UCMA: variants seen among roughly 807,000 people sequenced by gnomAD.
The protein encoded by UCMA is upper zone of growth plate and cartilage matrix associated.
A neutral mutation model predicts 21.8 loss-of-function variants in UCMA; 21 were observed. The ratio of observed to expected loss-of-function variants is 0.97; its 90% CI spans 0.68 to 1.39. The LOEUF is 1.39. Among genes scored for constraint, UCMA ranks in the 40% most tolerant of loss-of-function variants. The pLI is 0.00. For synonymous variants in UCMA, 76 were observed against 67.9 expected (o/e 1.12, Z -0.58); for missense variants, 193 against 178.9 (o/e 1.08, Z -0.45).
At chr10:13,228,480 G>T (rs1834853124) in intron 4 of UCMA, among the ~76,000 whole-genome samples, 1 of 152,216 alleles carries the variant, frequency 6.6e-6, no homozygotes, top group African/African-American at 2.4e-5. Context: ...ATGAGTTGGA[G>T]CCTGAAGATA....
At chr10:13,224,140 G>A (rs952446718) in intron 4 of UCMA, among the ~76,000 whole-genome samples, 45 of 152,194 alleles carry the variant, frequency 3.0e-4, no homozygotes, top group African/African-American at 1.0e-3. Flanking sequence ...CCTGAGCAGC[G>A]TTAGCAAGAC....
At chr10:13,224,427 G>GAAA (rs1834798796) in intron 4 of UCMA, among the ~76,000 whole-genome samples, 4 of 150,328 alleles carry the variant, frequency 2.7e-5, no homozygotes, top group South Asian at 2.1e-4. Context: ...GAAAGGAAAA[G>GAAA]GAAGAAAGAA....
At chr10:13,229,555 T>G in intron 4 of UCMA, 56 bp downstream of exon 4, 2 of 1,460,586 alleles carry the variant, frequency 1.4e-6, no homozygotes, top group Non-Finnish European at 1.9e-6. Flanking sequence ...AAGCAAACCA[T>G]GTGATTTCTC....
intron 4 of UCMA, among the ~76,000 whole-genome samples, chr10:13,222,685 T>C (rs944988167): frequency 1.2e-4 from 18 of 152,044 alleles, no homozygotes; most frequent in Non-Finnish European, 1.5e-4. Context: ...TTTTTTTTCT[T>C]TCTTTCTTGT....
In UCMA at chr10:13,221,860, G is replaced by T. The variant is rs1834760638; in HGVS notation, c.*243C>A. On this transcript the variant is annotated 3_prime_UTR_variant, in exon 5 of 5. Transcript: ENST00000378681. The stretch of plus-strand genomic sequence containing the variant: ...AACGAAGCCAGGGGAAGCCACTGTA[G>T]GTTTGGTACTAGGAGGCCCTGCAGG... 1.9e-6 allele frequency: 1 copy of T among 518,078 alleles called. No individual in the cohort carries two copies. The allele number at this position is 518,078 out of a possible 1,614,324, so 32.1% of individuals were successfully genotyped here.
At chr10:13,225,847 C>A (rs1834818215) in intron 4 of UCMA, among the ~76,000 whole-genome samples, 1 of 151,934 alleles carries the variant, frequency 6.6e-6, no homozygotes, top group Non-Finnish European at 1.5e-5. Context: ...ACATTGTGAG[C>A]CACAGGCAAC....
Position 13,221,956 on chromosome 10 carries a change from G to A in UCMA, c.*147C>T. On this transcript the variant is annotated 3_prime_UTR_variant, in exon 5 of 5. Coordinates refer to ENST00000378681, the MANE Select transcript of UCMA (RefSeq NM_145314.3). ...GACACTTTCACACACTGGAAGGAAA[G>A]GCATGCGTCTTTTCAAGAGCTGCTG... 1 of 726,072 alleles carries A rather than the reference G, an allele frequency of 1.4e-6. No individual in the cohort carries two copies. Among genetic ancestry groups the A allele is most frequent in the Non-Finnish European group, 2.3e-6 (1 of 428,746 alleles). The allele number at this position is 726,072 out of a possible 1,614,324, so 45.0% of individuals were successfully genotyped here.
At chr10:13,226,817 A>G (rs963153948) in intron 4 of UCMA, among the ~76,000 whole-genome samples, 1 of 152,164 alleles carries the variant, frequency 6.6e-6, no homozygotes, top group Non-Finnish European at 1.5e-5. Flanking sequence ...CTGTCTTCCT[A>G]TCCTGTAAGA....
At chr10:13,231,504 G>A (rs4750325) in intron 3 of UCMA, among the ~76,000 whole-genome samples, 3,492 of 152,276 alleles carry the variant, frequency 0.023, 174 homozygotes, top group East Asian at 0.14. Context: ...CCAGAAAGCC[G>A]TTGTGGGAGG....
At chr10:13,222,638 G>GT (rs917353943) in intron 4 of UCMA, among the ~76,000 whole-genome samples, 3 of 151,774 alleles carry the variant, frequency 2.0e-5, no homozygotes, top group South Asian at 2.1e-4. Context: ...TCGACTTGGA[G>GT]TTTTTTTTCC....
chr10:13,231,779 CT>C (rs1834901953), intron 3 of UCMA, among the ~76,000 whole-genome samples: 1 of 152,198 alleles, frequency 6.6e-6, no homozygotes, highest in Non-Finnish European at 1.5e-5. Context: ...TCTTTTCACC[CT>C]AAAGTAACTT....
chr10:13,230,922 T>A (rs555817093), intron 3 of UCMA, among the ~76,000 whole-genome samples: 144 of 152,236 alleles, frequency 9.5e-4, no homozygotes, highest in African/African-American at 3.3e-3. Context: ...CCAGGCGTGG[T>A]GGCAGGTGCC....
chr10:13,224,823 C>A (rs1445240498), intron 4 of UCMA, among the ~76,000 whole-genome samples: 2 of 152,162 alleles, frequency 1.3e-5, no homozygotes, highest in African/African-American at 4.8e-5. Flanking sequence ...ACCGCAGCTG[C>A]CAGAAGTGTT....
intron 3 of UCMA, among the ~76,000 whole-genome samples, chr10:13,232,171 C>A (rs1420635524): frequency 6.6e-6 from 1 of 151,944 alleles, no homozygotes; most frequent in South Asian, 2.1e-4. Context: ...TTCAGGAGTT[C>A]GAAACCAGCC....
At chr10:13,227,966 C>T (rs1834845962) in intron 4 of UCMA, among the ~76,000 whole-genome samples, 1 of 152,026 alleles carries the variant, frequency 6.6e-6, no homozygotes, top group African/African-American at 2.4e-5. Flanking sequence ...ACAGCCAGCA[C>T]TTTCTAAGAG....
chr10:13,233,566 C>G lies in UCMA; in HGVS notation c.192G>C (p.Arg64=). ...TGACCTCATCTCTGGACTTGGGGGA[C>G]CGCTTGCCGCGCCTCTTGAGGAAAT... is the stretch of plus-strand genomic sequence containing the variant. ...ASNFLKRRGK[R]SPKSRDEVNV... is the part of the protein sequence containing the mutation. The change falls in exon 3 of 5, where the codon CGG becomes CGC. Residue 64 remains arginine (R), a synonymous_variant. Transcript: ENST00000378681. The G allele has an allele frequency of 6.2e-7, 1 of 1,614,048 alleles. No individual in the cohort carries two copies.
chr10:13,230,928 G>C (rs1365826550), intron 3 of UCMA, among the ~76,000 whole-genome samples: 2 of 152,110 alleles, frequency 1.3e-5, no homozygotes, highest in East Asian at 3.9e-4. Context: ...GTGGTGGCAG[G>C]TGCCTATAAT....
intron 4 of UCMA, among the ~76,000 whole-genome samples, chr10:13,223,656 C>T (rs561011695): frequency 1.3e-5 from 2 of 152,228 alleles, no homozygotes; most frequent in East Asian, 3.9e-4. Flanking sequence ...CAGGTTCAAG[C>T]GATTCTCCTG....
Position 13,233,736 on chromosome 10 carries a change from T to A in UCMA, c.123A>T (p.Glu41Asp). 1 of 1,614,004 alleles carries A rather than the reference T, an allele frequency of 6.2e-7. No individual in the cohort carries two copies. Among genetic ancestry groups the A allele is most frequent in the Non-Finnish European group, 8.5e-7 (1 of 1,180,000 alleles). The change falls in exon 2 of 5, where the codon GAA becomes GAT. Residue 41 changes from glutamate (E) to aspartate (D), a missense_variant and splice_region_variant. Glu to Asp is a conservative substitution (Grantham distance 45). Coordinates refer to ENST00000378681, the MANE Select transcript of UCMA (RefSeq NM_145314.3). ...CCCGTGGGTGGCCCCTGCACTCACC[T>A]TCACTCGCCTCTTCTCCCGCCATCT... is the stretch of plus-strand genomic sequence containing the variant. Reference protein sequence around the residue: ...TMQMAGEEASEDAKQKIFMQE... With the variant: ...TMQMAGEEASDDAKQKIFMQE...
Sources: gnomAD v4.1 joint callset for allele counts (sites outside exome capture counted in the v4.1 genomes callset) on GRCh38, gnomAD v4.1.1 for gene constraint, MANE v1.5 for transcripts, NCBI Gene and HGNC (gene_info 2026-07-23, HGNC 2026-07-21) for gene names.